Variants in ME3 observed in about 807,000 individuals in gnomAD.
ME3 encodes NADP-dependent malic enzyme, mitochondrial.
ME3 carries 48 observed loss-of-function variants against 68.9 expected under a neutral mutation model. The observed-to-expected ratio is 0.70, with a 90% CI of 0.55 to 0.89. The LOEUF (loss-of-function observed/expected upper bound fraction) is 0.89, where lower values mean the gene tolerates loss of function less well. ME3 is among the 40% of genes least tolerant of loss of function. ME3 has a pLI of 0.00. For missense variants in ME3, 675 were observed against 797.4 expected (o/e 0.85, Z 1.85); for synonymous variants, 320 against 318.8 (o/e 1.00, Z -0.04).
chr11:86,559,723 C>G, exon 3 of ME3: 1 of 1,613,950 alleles, frequency 6.2e-7, no homozygotes, highest in Non-Finnish European at 8.5e-7. Flanking sequence ...CTCGTAATAT[C>G]TCATGATTCG....
At chr11:86,640,365 A>G (rs553716488) in intron 2 of ME3, among the ~76,000 whole-genome samples, 46 of 152,332 alleles carry the variant, frequency 3.0e-4, no homozygotes, top group East Asian at 5.8e-4. Context: ...TTTTATTTCT[A>G]TGGACCTCAG....
intron 2 of ME3, among the ~76,000 whole-genome samples, chr11:86,655,128 C>T (rs1298914598): frequency 2.6e-5 from 4 of 152,202 alleles, no homozygotes; most frequent in Non-Finnish European, 5.9e-5. Context: ...AGATTCTATG[C>T]TCATGGGCAG....
chr11:86,515,007 A>G (rs1953793401), intron 4 of ME3, among the ~76,000 whole-genome samples: 1 of 152,226 alleles, frequency 6.6e-6, no homozygotes, highest in South Asian at 2.1e-4. Context: ...CCATTTTAGT[A>G]TGCATGTTTG....
At chr11:86,546,003 A>G (rs1956338636) in intron 4 of ME3, among the ~76,000 whole-genome samples, 1 of 152,214 alleles carries the variant, frequency 6.6e-6, no homozygotes, top group South Asian at 2.1e-4. Flanking sequence ...CCTCAGAAAT[A>G]ATGCCACACA....
At chr11:86,510,249 T>A (rs1263306162) in intron 4 of ME3, among the ~76,000 whole-genome samples, 1 of 152,222 alleles carries the variant, frequency 6.6e-6, no homozygotes. Flanking sequence ...TTCACATTCC[T>A]AAGTGCAATG....
intron 7 of ME3, among the ~76,000 whole-genome samples, chr11:86,471,916 A>T (rs1950802685): frequency 6.6e-6 from 1 of 152,222 alleles, no homozygotes; most frequent in African/African-American, 2.4e-5. Context: ...GAAAATAAAA[A>T]AACAGTTGCA....
chr11:86,564,143 C>T (rs961269626), intron 2 of ME3, among the ~76,000 whole-genome samples: 1 of 152,056 alleles, frequency 6.6e-6, no homozygotes, highest in African/African-American at 2.4e-5. Flanking sequence ...TTGTAGTTCT[C>T]CTTGTAGAGA....
intron 2 of ME3, among the ~76,000 whole-genome samples, chr11:86,640,489 C>T (rs1332167558): frequency 6.6e-6 from 1 of 152,238 alleles, no homozygotes; most frequent in Non-Finnish European, 1.5e-5. Flanking sequence ...CTAACACATG[C>T]TCAGAACCCC....
intron 4 of ME3, among the ~76,000 whole-genome samples, chr11:86,551,158 G>C (rs1956659767): frequency 6.6e-6 from 1 of 151,938 alleles, no homozygotes; most frequent in East Asian, 1.9e-4. Flanking sequence ...AAGAAGAGAT[G>C]AAAAAGTAAT....
At chr11:86,610,395 C>T (rs978750184) in intron 2 of ME3, among the ~76,000 whole-genome samples, 6 of 152,090 alleles carry the variant, frequency 3.9e-5, no homozygotes, top group African/African-American at 9.7e-5. Flanking sequence ...ACCATTACTC[C>T]TGATATTTCA....
chr11:86,529,392 G>T (rs1384884952), intron 4 of ME3, among the ~76,000 whole-genome samples: 5 of 152,082 alleles, frequency 3.3e-5, no homozygotes, highest in African/African-American at 1.2e-4. Context: ...AAAAGTCCAG[G>T]ACCAGATGGA....
chr11:86,572,631 C>A (rs635971), intron 2 of ME3, among the ~76,000 whole-genome samples: 152,346 of 152,350 alleles, frequency 1, 76,171 homozygotes, highest in Middle Eastern at 1. Context: ...ATAGCTGCAT[C>A]GTATTCCATC....
intron 7 of ME3, among the ~76,000 whole-genome samples, chr11:86,469,837 G>A (rs180860461): frequency 6.6e-6 from 1 of 152,034 alleles, no homozygotes; most frequent in East Asian, 1.9e-4. Context: ...CTAATGAGTG[G>A]ATGTTTGATT....
chr11:86,522,066 A>G (rs989128860), intron 4 of ME3, among the ~76,000 whole-genome samples: 7 of 152,232 alleles, frequency 4.6e-5, no homozygotes, highest in African/African-American at 1.4e-4. Context: ...CCTGGCCAAC[A>G]TGGCAAAACC....
intron 4 of ME3, among the ~76,000 whole-genome samples, chr11:86,515,965 T>C (rs1380644353): frequency 6.6e-6 from 1 of 152,046 alleles, no homozygotes; most frequent in African/African-American, 2.4e-5. Context: ...TGCCCGGGGA[T>C]CCCAAGGCAC....
intron 2 of ME3, among the ~76,000 whole-genome samples, chr11:86,662,636 A>C (rs1946355956): frequency 6.6e-6 from 1 of 152,276 alleles, no homozygotes; most frequent in South Asian, 2.1e-4. Context: ...AAACAGGAAT[A>C]ATATAATAAC....
At position 86,496,449 on chromosome 11, in the gene ME3, T is replaced by C. The variant is rs1000263280; in HGVS notation, c.705+1514A>G. Among the ~76,000 whole-genome samples, 8 of 152,256 alleles carry C rather than the reference T, an allele frequency of 5.3e-5. 1 individual carries two copies. Among genetic ancestry groups the C allele is most frequent in the Admixed American group, 2.6e-4 (4 of 15,302 alleles). On this transcript the variant is annotated intron_variant, in intron 6 of 14. Coordinates refer to ENST00000543262, the Ensembl canonical transcript of ME3. ...AGAAAAGAAAAGAAATGGGGATGCA[T>C]TGTGTTTAGGGAAGAGGAAGGCCAT...
At chr11:86,580,292 A>T (rs563166983) in intron 2 of ME3, among the ~76,000 whole-genome samples, 1 of 152,214 alleles carries the variant, frequency 6.6e-6, no homozygotes, top group African/African-American at 2.4e-5. Context: ...AAATGCCTCA[A>T]AATAAATGAT....
chr11:86,630,234 A>G (rs948458376), intron 2 of ME3, among the ~76,000 whole-genome samples: 1 of 152,188 alleles, frequency 6.6e-6, no homozygotes, highest in African/African-American at 2.4e-5. Context: ...TCTGTTATCA[A>G]TAAAGGGAAA....
Sources: allele counts gnomAD v4.1 joint callset (sites outside exome capture counted in the v4.1 genomes callset), GRCh38; gene constraint gnomAD v4.1.1; transcripts MANE v1.5; gene names NCBI Gene and HGNC (gene_info 2026-07-23, HGNC 2026-07-21).